Variants in SLC44A1 observed in about 807,000 individuals in gnomAD.
SLC44A1 encodes the protein solute carrier family 44 member 1, also known as choline transporter-like protein 1.
In SLC44A1, 26 loss-of-function variants were observed where a neutral mutation model predicts 79.3. The observed-to-expected ratio is 0.33, with a 90% CI of 0.24 to 0.46. SLC44A1 has a LOEUF of 0.46. Ranked by LOEUF, SLC44A1 falls within the 20% of genes least tolerant of loss-of-function variation. SLC44A1 has a pLI of 1.00. For missense variants in SLC44A1, 688 were observed against 798.1 expected (o/e 0.86, Z 1.66); for synonymous variants, 263 against 286.2 (o/e 0.92, Z 0.82).
intron 3 of SLC44A1, among the ~76,000 whole-genome samples, chr9:105,325,804 G>A (rs1410350100): frequency 6.6e-6 from 1 of 152,170 alleles, no homozygotes; most frequent in African/African-American, 2.4e-5. Flanking sequence ...TTTTGGGGGT[G>A]ACAAAAGGTT....
rs1828829138 is a variant in SLC44A1 at position 105,394,381 on chromosome 9, CAGTA to C, written c.*5328_*5331del. The C allele has an allele frequency of 3.0e-6, 3 of 984,050 alleles. No individual in the cohort carries two copies. The highest frequency in any genetic ancestry group is 3.6e-6 in the Non-Finnish European group (3 of 829,800). 61.0% of individuals were successfully genotyped at this position (984,050 alleles called of 1,614,324 possible). On this transcript the variant is annotated 3_prime_UTR_variant, in exon 16 of 16. Coordinates refer to ENST00000374720, the MANE Select transcript of SLC44A1 (RefSeq NM_080546.5). ...GATGATCAACACTGAATCTTCATGACAGTAAGATTTTCTTTCCTTGGAGGTATGA... is the reference window on the plus strand; with the variant it reads ...GATGATCAACACTGAATCTTCATGACAGATTTTCTTTCCTTGGAGGTATGA...
At chr9:105,269,001 A>G (rs1008731937) in intron 1 of SLC44A1, among the ~76,000 whole-genome samples, 3 of 152,362 alleles carry the variant, frequency 2.0e-5, no homozygotes, top group African/African-American at 4.8e-5. Context: ...TTTTAAAAAC[A>G]TAAGTATGAA....
At chr9:105,252,791 T>C (rs1040997009) in intron 1 of SLC44A1, among the ~76,000 whole-genome samples, 1 of 152,252 alleles carries the variant, frequency 6.6e-6, no homozygotes, top group African/African-American at 2.4e-5. Context: ...TTAAAGTTTT[T>C]GACACAGTAA....
chr9:105,436,845 G>A (rs1036914635), intron 15 of SLC44A1, among the ~76,000 whole-genome samples: 2 of 152,142 alleles, frequency 1.3e-5, no homozygotes, highest in South Asian at 2.1e-4. Flanking sequence ...TTCAAGCAAC[G>A]TTATTCTTAG....
chr9:105,409,505 C>A (rs1256492794), intron 15 of SLC44A1, among the ~76,000 whole-genome samples: 3 of 152,108 alleles, frequency 2.0e-5, no homozygotes, highest in African/African-American at 7.2e-5. Context: ...AGCAACAAAA[C>A]AAGACCCTGT....
intron 5 of SLC44A1, among the ~76,000 whole-genome samples, chr9:105,354,657 A>G (rs1401359136): frequency 6.6e-6 from 1 of 152,184 alleles, no homozygotes; most frequent in Non-Finnish European, 1.5e-5. Flanking sequence ...TCATTTTTTG[A>G]TATATTTGCT....
intron 15 of SLC44A1, among the ~76,000 whole-genome samples, chr9:105,415,640 C>G (rs2131511033): frequency 6.6e-6 from 1 of 152,300 alleles, no homozygotes; most frequent in East Asian, 1.9e-4. Context: ...GGTGTTTTCT[C>G]TAATGGGGCC....
intron 5 of SLC44A1, among the ~76,000 whole-genome samples, chr9:105,355,211 C>A (rs145844857): frequency 6.8e-4 from 103 of 152,270 alleles, no homozygotes; most frequent in African/African-American, 2.3e-3. Context: ...AAGGCATATT[C>A]GTAGTTCTTT....
At position 105,395,306 on chromosome 9, in the gene SLC44A1, C is replaced by T. The variant is rs566110466; in HGVS notation, c.*6250C>T. 8.9e-5 allele frequency: 47 copies of T among 529,408 alleles called. No individual in the cohort carries two copies. The highest frequency in any genetic ancestry group is 8.5e-4 in the African/African-American group (41 of 48,260). The allele number at this position is 529,408 out of a possible 1,614,324, so 32.8% of individuals were successfully genotyped here. A position where few individuals can be genotyped will look rare whatever the true frequency, so the allele number is the denominator to read the frequency against. The stretch of plus-strand genomic sequence containing the variant: ...CAATCTTAGCTCACTGCAACCTCCA[C>T]CTCCCAGGTTCAAGTGATTCTCCTG... On this transcript the variant is annotated 3_prime_UTR_variant, in exon 16 of 16. Coordinates refer to ENST00000374720, the MANE Select transcript of SLC44A1 (RefSeq NM_080546.5).
chr9:105,268,579 CTGCAACCTCCACCTCCTGGGTTCAAGCAA>C (rs1830011791), intron 1 of SLC44A1, among the ~76,000 whole-genome samples: 1 of 152,134 alleles, frequency 6.6e-6, no homozygotes. Context: ...TCTCTGCTCA[CTGCAACCTCCACCTCCTGGGTTCAAGCAA>C]TTCTGCCTCA....
chr9:105,313,698 T>A lies in SLC44A1; in HGVS notation c.269+3832T>A, dbSNP rs548873561. On this transcript the variant is annotated intron_variant, in intron 3 of 15. Coordinates refer to ENST00000374720, the MANE Select transcript of SLC44A1 (RefSeq NM_080546.5). Reference sequence around the variant, plus strand: ...TTCTAGATTGTCTACAATCTTTAGGTCTATAATATATAAGTAGGCTTAGAG... The same window carrying A: ...TTCTAGATTGTCTACAATCTTTAGGACTATAATATATAAGTAGGCTTAGAG... 3.3e-5 allele frequency among the ~76,000 whole-genome samples: 5 copies of A among 152,288 alleles called. No homozygotes were observed. The South Asian group carries it at 1.0e-3, about 32-fold the overall frequency.
intron 1 of SLC44A1, among the ~76,000 whole-genome samples, chr9:105,257,087 TTTTTTG>T (rs1175633569): frequency 2.3e-5 from 3 of 130,804 alleles, no homozygotes; most frequent in South Asian, 2.6e-4. Context: ...CGCCCGGCCT[TTTTTTG>T]TTTTTGTTTT....
At chr9:105,267,001 C>T (rs568230370) in intron 1 of SLC44A1, among the ~76,000 whole-genome samples, 51 of 151,962 alleles carry the variant, frequency 3.4e-4, no homozygotes, top group Non-Finnish European at 6.3e-4. Context: ...CCATCAGTGT[C>T]TCTGTACTGG....
chr9:105,329,787 T>C (rs1050514611), intron 3 of SLC44A1, among the ~76,000 whole-genome samples: 1 of 152,174 alleles, frequency 6.6e-6, no homozygotes, highest in Non-Finnish European at 1.5e-5. Context: ...CTTTTAGACA[T>C]GCAGTTTTCT....
Position 105,390,445 on chromosome 9 carries a change from A to AG in SLC44A1, c.*1389_*1390insG, listed in dbSNP as rs1186068263. The AG allele has an allele frequency of 1.0e-6, 1 of 983,734 alleles. No individual in the cohort carries two copies. Among genetic ancestry groups the AG allele is most frequent in the African/African-American group, 1.8e-5 (1 of 57,048 alleles). The allele number at this position is 983,734 out of a possible 1,614,324, so 60.9% of individuals were successfully genotyped here. A position where few individuals can be genotyped will look rare whatever the true frequency, so the allele number is the denominator to read the frequency against. On this transcript the variant is annotated 3_prime_UTR_variant, in exon 16 of 16. Transcript: ENST00000374720. ...AGGCTCTGTACAAAAAAAAAAAAAA[A>AG]AAAAAAGCCTCAGCATTTTATCATT...
intron 15 of SLC44A1, among the ~76,000 whole-genome samples, chr9:105,410,793 T>G (rs957682997): frequency 6.6e-6 from 1 of 152,172 alleles, no homozygotes; most frequent in Non-Finnish European, 1.5e-5. Context: ...CTAATGTCCA[T>G]CAGCTGATGA....
intron 1 of SLC44A1, among the ~76,000 whole-genome samples, chr9:105,298,682 C>T (rs915859474): frequency 1.3e-5 from 2 of 152,142 alleles, no homozygotes; most frequent in African/African-American, 4.8e-5. Flanking sequence ...GGCATCTTTC[C>T]TAGAAGAGAA....
chr9:105,323,215 CAA>C lies in SLC44A1; in HGVS notation c.270-12329_270-12328del, dbSNP rs575818228. On this transcript the variant is annotated intron_variant, in intron 3 of 15. Transcript: ENST00000374720. ...TGGGCAACAGAGTGAAACTCCATCT[CAA>C]AAAAAAAAAAAAAAAAAAGAAAGAA... Among the ~76,000 whole-genome samples the C allele has an allele frequency of 2.6e-3, 197 of 76,598 alleles. 1 individual carries two copies. Among genetic ancestry groups the C allele is most frequent in the African/African-American group, 6.1e-3 (171 of 27,836 alleles). The allele number at this position is 76,598 out of a possible 152,430, so 50.3% of individuals were successfully genotyped here. A position where few individuals can be genotyped will look rare whatever the true frequency, so the allele number is the denominator to read the frequency against.
intron 1 of SLC44A1, among the ~76,000 whole-genome samples, chr9:105,296,542 C>G (rs1042129883): frequency 5.3e-5 from 8 of 152,194 alleles, no homozygotes; most frequent in Non-Finnish European, 7.4e-5. Context: ...CCTGAGGCTT[C>G]TCCCTTTCTT....
Sources: gnomAD v4.1 joint callset for allele counts (sites outside exome capture counted in the v4.1 genomes callset) on GRCh38, gnomAD v4.1.1 for gene constraint, MANE v1.5 for transcripts, NCBI Gene and HGNC (gene_info 2026-07-23, HGNC 2026-07-21) for gene names.